Variants in LRRC56 observed in about 807,000 individuals in gnomAD.
The protein encoded by LRRC56 is leucine-rich repeat-containing protein 56.
In LRRC56, 41 loss-of-function variants were observed where a neutral mutation model predicts 47.8. The observed-to-expected ratio is 0.86, with a 90% CI of 0.67 to 1.11. The LOEUF is 1.11. Ranked by LOEUF, LRRC56 falls within the 50% of genes most tolerant of loss-of-function variation. The pLI, the probability that LRRC56 is intolerant of heterozygous loss-of-function variation, is 0.00. For missense variants in LRRC56, 759 were observed against 704.2 expected (o/e 1.08, Z -0.88); for synonymous variants, 387 against 311.2 (o/e 1.24, Z -2.56).
At chr11:534,284 A>T (rs2133994852), upstream of LRRC56, 1 of 1,613,008 alleles carries the variant, frequency 6.2e-7, no homozygotes, top group Non-Finnish European at 8.5e-7. Flanking sequence ...TCTTGCCCAC[A>T]CCGCCGGCGC....
In LRRC56 at chr11:554,310, G is replaced by A; in HGVS notation, c.*34G>A. The stretch of plus-strand genomic sequence containing the variant: ...CCACTGCCAGGCTTCCCTGTGCTGG[G>A]GCCACGACTTGCCCACATATGTGGT... On this transcript the variant is annotated 3_prime_UTR_variant, in exon 14 of 14. Transcript: ENST00000270115. 2 of 1,461,936 alleles carry A rather than the reference G, an allele frequency of 1.4e-6. No individual in the cohort carries two copies. Among genetic ancestry groups the A allele is most frequent in the Non-Finnish European group, 1.8e-6 (2 of 1,109,596 alleles). 90.6% of individuals were successfully genotyped at this position (1,461,936 alleles called of 1,614,324 possible). A position where few individuals can be genotyped will look rare whatever the true frequency, so the allele number is the denominator to read the frequency against.
chr11:538,978 T>C (rs1182954549), intron 2 of LRRC56, 118 bp downstream of exon 2: 1 of 152,188 alleles, frequency 6.6e-6, no homozygotes, highest in Non-Finnish European at 1.5e-5. Context: ...CACATGAAGG[T>C]GGTCAGGGAG....
At chr11:553,281 G>A (rs967623223) in intron 13 of LRRC56, among the ~76,000 whole-genome samples, 3 of 152,224 alleles carry the variant, frequency 2.0e-5, no homozygotes, top group Non-Finnish European at 2.9e-5. Flanking sequence ...CAGGCAGGCC[G>A]GGCAGGGGGC....
intron 5 of LRRC56, among the ~76,000 whole-genome samples, chr11:543,376 G>A (rs12576773): frequency 0.1 from 14,961 of 149,288 alleles, 893 homozygotes; most frequent in South Asian, 0.19. Context: ...CACCACGCCC[G>A]AGTAATTTTT....
At chr11:552,526 G>A (rs376692553) in intron 12 of LRRC56, 43 bp from the exon 13 acceptor site, 26 of 1,539,178 alleles carry the variant, frequency 1.7e-5, no homozygotes, top group Middle Eastern at 4.6e-4. Flanking sequence ...CCTGTCCCGT[G>A]GGGGGATCAG....
In LRRC56 at chr11:540,766, C is replaced by T. The variant is rs1851756152; in HGVS notation, c.82C>T (p.Leu28=). The part of the protein sequence containing the change: ...VRVRELSWQG[L]HNPCPQSKGP... ...GGTGCGGGAGCTGAGCTGGCAAGGC[C>T]TGCACAACCCCTGCCCACAGAGCAA... Residue 28 remains leucine, a synonymous_variant, in exon 4 of 14, where the codon CTG becomes TTG. Transcript: ENST00000270115. 1 of 1,610,910 alleles carries T rather than the reference C, an allele frequency of 6.2e-7. No homozygotes were observed. Among genetic ancestry groups the T allele is most frequent in the Non-Finnish European group, 8.5e-7 (1 of 1,179,314 alleles).
chr11:514,586 T>C, the LRRC56 span, among the ~76,000 whole-genome samples: 1 of 151,548 alleles, frequency 6.6e-6, no homozygotes, highest in African/African-American at 2.4e-5. Context: ...CAGCCTATTA[T>C]TATTATTATT....
the LRRC56 span, among the ~76,000 whole-genome samples, chr11:510,007 C>T: frequency 8.6e-5 from 13 of 152,036 alleles, no homozygotes; most frequent in African/African-American, 2.9e-4. Flanking sequence ...GGGTCCTGGC[C>T]GACTCGAGTG....
rs1409955489 is a variant in LRRC56, at chr11:541,102, C to T, written c.177+241C>T. Among the ~76,000 whole-genome samples, 2 of 152,178 alleles carry T rather than the reference C, an allele frequency of 1.3e-5. No homozygotes were observed. The highest frequency in any genetic ancestry group is 2.9e-5 in the Non-Finnish European group (2 of 68,020). On this transcript the variant is annotated intron_variant, in intron 4 of 13. Coordinates refer to ENST00000270115, the MANE Select transcript of LRRC56 (RefSeq NM_198075.4). The surrounding 1 kb of genome is among the most constrained non-coding windows in gnomAD (Gnocchi z 4.1). ...GCTCAGTGACACAGACGTCCCCAGGCATTTGGGTCACAGACAGGACTGAGC... is the reference window on the plus strand; with the variant it reads ...GCTCAGTGACACAGACGTCCCCAGGTATTTGGGTCACAGACAGGACTGAGC...
At chr11:533,249 C>T, upstream of LRRC56, 2 of 1,547,452 alleles carry the variant, frequency 1.3e-6, no homozygotes, top group Non-Finnish European at 1.7e-6. Context: ...TCGCCTCCCT[C>T]ACTGCCCTGC....
At chr11:510,537 A>C in the LRRC56 span, among the ~76,000 whole-genome samples, 3 of 152,074 alleles carry the variant, frequency 2.0e-5, no homozygotes, top group South Asian at 6.2e-4. Context: ...CGGGAGTTCA[A>C]GACCAGCCTG....
intron 6 of LRRC56, among the ~76,000 whole-genome samples, chr11:549,564 C>T (rs1852266183): frequency 6.6e-6 from 1 of 152,190 alleles, no homozygotes; most frequent in South Asian, 2.1e-4. Context: ...ATTCGAGTGC[C>T]CCAAACGCTA....
the LRRC56 span, among the ~76,000 whole-genome samples, chr11:511,336 AAG>A: frequency 0.075 from 11,152 of 149,552 alleles, 374 homozygotes; most frequent in Middle Eastern, 0.14. Context: ...AAAAAAAAAA[AAG>A]AAATGGGAAA....
chr11:549,335 C>T (rs752441693), intron 6 of LRRC56, among the ~76,000 whole-genome samples: 3 of 152,052 alleles, frequency 2.0e-5, no homozygotes, highest in Non-Finnish European at 2.9e-5. Context: ...CTGGGGACAG[C>T]GCATGGTGAA....
At chr11:527,520 G>T in the LRRC56 span, among the ~76,000 whole-genome samples, 1 of 152,024 alleles carries the variant, frequency 6.6e-6, no homozygotes, top group African/African-American at 2.4e-5. Flanking sequence ...AAACGATAGG[G>T]TAAGGGTTTT....
chr11:535,586 C>G (rs1042730577), upstream of LRRC56: 1 of 150,494 alleles, frequency 6.6e-6, no homozygotes. Context: ...TGCGCACGCC[C>G]CGCCCCGCGC....
chr11:525,494 G>A, the LRRC56 span, among the ~76,000 whole-genome samples: 33 of 151,182 alleles, frequency 2.2e-4, no homozygotes, highest in African/African-American at 4.4e-4. Flanking sequence ...AGCCGAGATC[G>A]CGCCACTGCA....
intron 13 of LRRC56, among the ~76,000 whole-genome samples, chr11:553,458 C>T (rs1229259541): frequency 6.6e-6 from 1 of 152,058 alleles, no homozygotes; most frequent in Non-Finnish European, 1.5e-5. Context: ...CAGCTGGTTA[C>T]CTAGTGGCCG....
At chr11:550,670 G>A (rs935497349) in intron 8 of LRRC56, among the ~76,000 whole-genome samples, 10 of 152,180 alleles carry the variant, frequency 6.6e-5, no homozygotes, top group African/African-American at 1.9e-4. Flanking sequence ...GGGGCTCTGC[G>A]TGCCCTGCTC....
Sources: allele counts gnomAD v4.1 joint callset (sites outside exome capture counted in the v4.1 genomes callset), GRCh38; gene constraint gnomAD v4.1.1; non-coding constraint Gnocchi (gnomAD v3.1); transcripts MANE v1.5; gene names NCBI Gene and HGNC (gene_info 2026-07-23, HGNC 2026-07-21).